Variants in MSI2 observed in about 807,000 individuals in gnomAD.
MSI2 encodes the protein RNA-binding protein Musashi homolog 2.
In MSI2, 17 loss-of-function variants were observed where a neutral mutation model predicts 45.6. That is an observed-to-expected ratio of 0.37 (90% CI 0.26 to 0.56). The LOEUF is 0.56. Ranked by LOEUF, MSI2 falls within the 20% of genes least tolerant of loss-of-function variation. MSI2 has a pLI of 0.77. For synonymous variants in MSI2, 156 were observed against 158.2 expected (o/e 0.99, Z 0.11); for missense variants, 293 against 444.2 (o/e 0.66, Z 3.06).
intron 5 of MSI2, among the ~76,000 whole-genome samples, chr17:57,300,864 G>A (rs140665945): frequency 2.6e-5 from 4 of 152,258 alleles, no homozygotes; most frequent in Admixed American, 6.5e-5. Flanking sequence ...CTGCCCCTAC[G>A]ATTCAATTAT....
chr17:57,667,306 C>T (rs1912439583), intron 11 of MSI2, among the ~76,000 whole-genome samples: 1 of 152,196 alleles, frequency 6.6e-6, no homozygotes, highest in Admixed American at 6.5e-5. Flanking sequence ...ACACCGCCTG[C>T]TTCAGCCAAA....
intron 5 of MSI2, among the ~76,000 whole-genome samples, chr17:57,299,528 G>A (rs1467918860): frequency 6.6e-6 from 1 of 152,184 alleles, no homozygotes; most frequent in Non-Finnish European, 1.5e-5. Flanking sequence ...GGAAGGGGAA[G>A]GGACGTGGGG....
At chr17:57,434,489 C>T (rs1220540189) in intron 6 of MSI2, among the ~76,000 whole-genome samples, 2 of 152,206 alleles carry the variant, frequency 1.3e-5, no homozygotes, top group Non-Finnish European at 2.9e-5. Flanking sequence ...CTACTCCTGT[C>T]TAACTGAAAC....
At chr17:57,656,060 G>A (rs1019233182) in intron 11 of MSI2, among the ~76,000 whole-genome samples, 5 of 152,214 alleles carry the variant, frequency 3.3e-5, no homozygotes, top group African/African-American at 1.2e-4. Context: ...TACATGCATT[G>A]TTGAGTTGAT....
intron 6 of MSI2, among the ~76,000 whole-genome samples, chr17:57,507,302 C>CT (rs2086259660): frequency 6.7e-6 from 1 of 148,494 alleles, no homozygotes; most frequent in Non-Finnish European, 1.5e-5. Context: ...CCGACAATGA[C>CT]TAAGAAGCAT....
downstream of MSI2, among the ~76,000 whole-genome samples, chr17:57,685,929 C>T (rs556057387): frequency 6.6e-6 from 1 of 152,342 alleles, no homozygotes; most frequent in South Asian, 2.1e-4. Flanking sequence ...GAGGCCCAAA[C>T]CCAGCCCAGG....
At chr17:57,330,931 G>A (rs1368204464) in intron 5 of MSI2, among the ~76,000 whole-genome samples, 1 of 139,260 alleles carries the variant, frequency 7.2e-6, no homozygotes, top group Non-Finnish European at 1.5e-5. Context: ...TGTGTGTGAC[G>A]GAGTCTCACT....
At chr17:57,309,433 C>A (rs1354328033) in intron 5 of MSI2, among the ~76,000 whole-genome samples, 1 of 152,140 alleles carries the variant, frequency 6.6e-6, no homozygotes, top group African/African-American at 2.4e-5. Context: ...GATGGGCTTG[C>A]AGAATAAGTG....
chr17:57,324,197 T>G (rs1300243666), intron 5 of MSI2, among the ~76,000 whole-genome samples: 1 of 152,094 alleles, frequency 6.6e-6, no homozygotes, highest in Non-Finnish European at 1.5e-5. Flanking sequence ...TCTGAGGCCT[T>G]GGAGGAGGGG....
At chr17:57,410,008 C>CA (rs59098048) in intron 6 of MSI2, among the ~76,000 whole-genome samples, 1,947 of 61,670 alleles carry the variant, frequency 0.032, 180 homozygotes, top group African/African-American at 0.11. Flanking sequence ...ACTCTGTCTC[C>CA]AAAAAAAAAA....
In MSI2 at chr17:57,320,449, A is replaced by G. The variant is rs1223452863; in HGVS notation, c.312+58257A>G. Among the ~76,000 whole-genome samples the G allele has an allele frequency of 6.6e-5, 10 of 152,294 alleles. 1 individual carries two copies. The South Asian group carries it at 1.9e-3, about 28-fold the overall frequency. ...GCAAGCCAGTTTGTAGGAAGATAAT[A>G]GGGAGGATTGTTAGGTATGCTGGGG... On this transcript the variant is annotated intron_variant, in intron 5 of 13. Coordinates refer to ENST00000284073, the MANE Select transcript of MSI2 (RefSeq NM_138962.4).
chr17:57,342,065 G>T (rs755274627), intron 5 of MSI2, among the ~76,000 whole-genome samples: 3 of 152,156 alleles, frequency 2.0e-5, no homozygotes, highest in Non-Finnish European at 4.4e-5. Flanking sequence ...AAAGAAAAAA[G>T]AATTTTTGAA....
intron 13 of MSI2, among the ~76,000 whole-genome samples, chr17:57,677,818 G>A (rs764366650): frequency 2.0e-5 from 3 of 152,190 alleles, no homozygotes; most frequent in Non-Finnish European, 4.4e-5. Context: ...GGTTGGGGCA[G>A]TGAGGAAGCC....
In MSI2 at chr17:57,675,076, A is replaced by G. The variant is rs1167224638; in HGVS notation, c.895A>G (p.Ile299Val). ...CCAGGACTCCGGAGTGGGGAATTAC[A>G]TAAGTGCGGCCAGCCCACAGCCGGG... ...ASQDSGVGNY[I>V]SAASPQPGSG... is the part of the protein sequence containing the mutation. Residue 299 changes from isoleucine (I) to valine (V), a missense_variant, in exon 12 of 14, where the codon ATA (isoleucine) becomes GTA (valine). By Grantham distance (29) the Ile-to-Val change is conservative. Transcript: ENST00000284073. The G allele has an allele frequency of 8.1e-6, 13 of 1,613,916 alleles. No individual in the cohort carries two copies. The highest frequency in any genetic ancestry group is 1.3e-5 in the African/African-American group (1 of 74,932).
chr17:57,397,994 C>CT lies in MSI2; in HGVS notation c.313-3379dup, dbSNP rs547367865. Among the ~76,000 whole-genome samples the CT allele has an allele frequency of 2.0e-5, 3 of 152,134 alleles. No homozygotes were observed. In the East Asian group the frequency reaches 5.8e-4, roughly 29 times the overall value. On this transcript the variant is annotated intron_variant, in intron 5 of 13. Coordinates refer to ENST00000284073, the MANE Select transcript of MSI2 (RefSeq NM_138962.4). ...TGTCTGGGACCTGGAATTTCTCATCCTTTTTTAAAAAAAGGTGTTTTAAAG... is the reference window on the plus strand; with the variant it reads ...TGTCTGGGACCTGGAATTTCTCATCCTTTTTTTAAAAAAAGGTGTTTTAAAG...
intron 5 of MSI2, among the ~76,000 whole-genome samples, chr17:57,364,148 T>C (rs1346557802): frequency 6.6e-6 from 1 of 152,218 alleles, no homozygotes; most frequent in East Asian, 1.9e-4. Flanking sequence ...TCTGGGATTC[T>C]GTTTTGTTAG....
chr17:57,610,450 T>TTGGGGAACACTC (rs1567934848), intron 8 of MSI2, among the ~76,000 whole-genome samples: 9 of 109,494 alleles, frequency 8.2e-5, no homozygotes, highest in African/African-American at 1.3e-4. Context: ...AGACTCCGTC[T>TTGGGGAACACTC]AAAAAAAAAA....
intron 6 of MSI2, among the ~76,000 whole-genome samples, chr17:57,516,645 G>A (rs1180425768): frequency 6.6e-6 from 1 of 152,164 alleles, no homozygotes; most frequent in Non-Finnish European, 1.5e-5. Context: ...AATAGCATAG[G>A]GTAGTCATTT....
intron 5 of MSI2, among the ~76,000 whole-genome samples, chr17:57,366,982 A>G (rs1917242896): frequency 6.6e-6 from 1 of 152,212 alleles, no homozygotes; most frequent in South Asian, 2.1e-4. Context: ...CAACTAGTCA[A>G]TCAGACTTGG....
Sources: allele counts gnomAD v4.1 joint callset (sites outside exome capture counted in the v4.1 genomes callset), GRCh38; gene constraint gnomAD v4.1.1; transcripts MANE v1.5; gene names NCBI Gene and HGNC (gene_info 2026-07-23, HGNC 2026-07-21).